MYO16: variants seen among roughly 807,000 people sequenced by gnomAD.
MYO16 encodes myosin XVI.
MYO16 carries 94 observed loss-of-function variants against 205.3 expected under a neutral mutation model. The ratio of observed to expected loss-of-function variants is 0.46; its 90% confidence interval spans 0.39 to 0.54. The LOEUF (loss-of-function observed/expected upper bound fraction) is 0.54. Ranked by LOEUF, MYO16 falls within the 20% of genes least tolerant of loss-of-function variation. MYO16 has a pLI of 0.00. For missense variants in MYO16, 2,315 were observed against 2,387.5 expected (o/e 0.97, Z 0.63); for synonymous variants, 988 against 954.0 (o/e 1.04, Z -0.66).
At chr13:109,093,751 C>T (rs901619600) in intron 27 of MYO16, among the ~76,000 whole-genome samples, 5 of 152,164 alleles carry the variant, frequency 3.3e-5, no homozygotes, top group East Asian at 1.9e-4. Context: ...CCTCTTCCGT[C>T]GCCATTGCCT....
chr13:108,763,447 A>G (rs888766026), intron 4 of MYO16, among the ~76,000 whole-genome samples: 7 of 152,242 alleles, frequency 4.6e-5, no homozygotes, highest in African/African-American at 1.7e-4. Context: ...TCCTTGCAAG[A>G]ACACTGCATA....
intron 34 of MYO16, among the ~76,000 whole-genome samples, chr13:109,188,860 G>GA (rs1468128753): frequency 6.6e-6 from 1 of 152,140 alleles, no homozygotes; most frequent in Admixed American, 6.5e-5. Flanking sequence ...TTGGGAGGCC[G>GA]ACTTGGGTGG....
intron 16 of MYO16, among the ~76,000 whole-genome samples, chr13:108,927,587 A>G (rs536419522): frequency 6.6e-6 from 1 of 152,340 alleles, no homozygotes; most frequent in South Asian, 2.1e-4. Flanking sequence ...ACATGGAAGT[A>G]TATTTATATT....
chr13:109,149,706 G>A (rs947183266), intron 32 of MYO16, among the ~76,000 whole-genome samples: 3 of 151,964 alleles, frequency 2.0e-5, no homozygotes, highest in African/African-American at 7.3e-5. Flanking sequence ...CATGTTCTTC[G>A]TGTGCCCCCT....
chr13:109,054,160 T>G (rs948857956), intron 25 of MYO16: 3 of 174,312 alleles, frequency 1.7e-5, no homozygotes, highest in African/African-American at 7.2e-5. Context: ...CCTTTATTTC[T>G]GCCCTTTATT....
At chr13:108,521,970 G>A in the MYO16 span, among the ~76,000 whole-genome samples, 1 of 152,110 alleles carries the variant, frequency 6.6e-6, no homozygotes, top group Non-Finnish European at 1.5e-5. Flanking sequence ...TGTTGACTTT[G>A]CATTTCCCCC....
Position 109,130,053 on chromosome 13 carries a change from CAT to C in MYO16, c.4051+2506_4051+2507del, listed in dbSNP as rs1013135967. Reference sequence around the variant, plus strand: ...AGATATATATACACACACACACACACATATGTATATATCTATACACACACATA... The same window carrying C: ...AGATATATATACACACACACACACACATGTATATATCTATACACACACATA... On this transcript the variant is annotated intron_variant, in intron 31 of 34. Transcript: ENST00000457511. 5.4e-5 allele frequency among the ~76,000 whole-genome samples: 8 copies of C among 149,484 alleles called. No homozygotes were observed. In the East Asian group the frequency reaches 1.2e-3, roughly 22 times the overall value.
intron 28 of MYO16, among the ~76,000 whole-genome samples, chr13:109,117,410 G>GTATATATATATATA (rs1875754751): frequency 7.0e-6 from 1 of 142,798 alleles, no homozygotes; most frequent in Non-Finnish European, 1.5e-5. Context: ...ATATATATAT[G>GTATATATATATATA]TGTATATATG....
At chr13:108,911,812 A>T (rs895295620) in intron 16 of MYO16, among the ~76,000 whole-genome samples, 1 of 152,158 alleles carries the variant, frequency 6.6e-6, no homozygotes, top group South Asian at 2.1e-4. Flanking sequence ...GCGATGAGGA[A>T]TGGGAAAACA....
chr13:108,662,418 G>T (rs757740008), intron 1 of MYO16, among the ~76,000 whole-genome samples: 1 of 152,260 alleles, frequency 6.6e-6, no homozygotes, highest in African/African-American at 2.4e-5. Flanking sequence ...ACAAGGCTAG[G>T]TGTGACTGAG....
intron 24 of MYO16, among the ~76,000 whole-genome samples, chr13:109,051,725 GC>G (rs1566482182): frequency 6.6e-6 from 1 of 152,004 alleles, no homozygotes; most frequent in Non-Finnish European, 1.5e-5. Flanking sequence ...ATATCATTTT[GC>G]TTTTACCTTT....
chr13:109,033,668 A>G (rs1886617166), intron 23 of MYO16, among the ~76,000 whole-genome samples: 1 of 152,202 alleles, frequency 6.6e-6, no homozygotes, highest in African/African-American at 2.4e-5. Context: ...AGTTAAGCAG[A>G]CAGACAAGGG....
intron 25 of MYO16, 21 bp downstream of exon 25, chr13:109,052,496 T>C: frequency 6.5e-7 from 1 of 1,527,262 alleles, no homozygotes; most frequent in Non-Finnish European, 8.9e-7. Context: ...TTATGATTAT[T>C]GTTGGATTAT....
At chr13:108,786,623 A>T (rs905122243) in intron 5 of MYO16, among the ~76,000 whole-genome samples, 1 of 152,170 alleles carries the variant, frequency 6.6e-6, no homozygotes, top group African/African-American at 2.4e-5. Flanking sequence ...TGCTTTTATG[A>T]AAAAGGTTTA....
chr13:108,545,141 A>G, the MYO16 span, among the ~76,000 whole-genome samples: 1 of 151,860 alleles, frequency 6.6e-6, no homozygotes, highest in East Asian at 1.9e-4. Context: ...TGTTTTTTCA[A>G]CGCTCACCTG....
At chr13:108,955,107 C>T (rs1399533300) in intron 16 of MYO16, among the ~76,000 whole-genome samples, 1 of 152,180 alleles carries the variant, frequency 6.6e-6, no homozygotes, top group African/African-American at 2.4e-5. Context: ...AAAACCAAAG[C>T]CACAACCATT....
intron 4 of MYO16, among the ~76,000 whole-genome samples, chr13:108,784,344 A>G (rs972324201): frequency 6.6e-6 from 1 of 152,250 alleles, no homozygotes; most frequent in Non-Finnish European, 1.5e-5. Flanking sequence ...AAAACATCTG[A>G]AATATATGAC....
intron 32 of MYO16, among the ~76,000 whole-genome samples, chr13:109,161,052 C>T (rs956981570): frequency 5.3e-5 from 8 of 152,172 alleles, no homozygotes; most frequent in Non-Finnish European, 1.2e-4. Context: ...CGGCTGCTTT[C>T]ACGTGTTTGG....
chr13:109,144,901 T>C (rs1249935576), intron 32 of MYO16, among the ~76,000 whole-genome samples: 1 of 152,246 alleles, frequency 6.6e-6, no homozygotes, highest in Non-Finnish European at 1.5e-5. Flanking sequence ...AGGTTGTTTC[T>C]TGCGTAATTC....
Sources: allele counts gnomAD v4.1 joint callset (sites outside exome capture counted in the v4.1 genomes callset), GRCh38; gene constraint gnomAD v4.1.1; transcripts MANE v1.5; gene names NCBI Gene and HGNC (gene_info 2026-07-23, HGNC 2026-07-21).